Variants in ASCC3 observed in about 807,000 individuals in gnomAD.
ASCC3 encodes the protein activating signal cointegrator 1 complex subunit 3, also known as ASC-1 complex subunit P200.
Under a neutral mutation model 256.3 loss-of-function variants are expected in ASCC3, and 158 were observed. The observed-to-expected ratio is 0.62, with a 90% CI of 0.54 to 0.70. The LOEUF is 0.70. Ranked by LOEUF, ASCC3 falls within the 30% of genes least tolerant of loss-of-function variation. The pLI, the probability that ASCC3 is intolerant of heterozygous loss-of-function variation, is 0.00. For synonymous variants in ASCC3, 948 were observed against 883.4 expected (o/e 1.07, Z -1.30); for missense variants, 2,259 against 2,626.0 (o/e 0.86, Z 3.05).
chr6:100,623,459 T>C (rs1268794593), intron 30 of ASCC3, among the ~76,000 whole-genome samples: 2 of 152,172 alleles, frequency 1.3e-5, no homozygotes, highest in African/African-American at 2.4e-5. Context: ...ATGTAATACA[T>C]ACAGTACTAT....
intron 36 of ASCC3, among the ~76,000 whole-genome samples, chr6:100,581,376 G>A (rs1272380339): frequency 5.9e-5 from 9 of 152,156 alleles, no homozygotes; most frequent in Non-Finnish European, 8.8e-5. Context: ...CTGCATAAAT[G>A]TCTTCTTTTG....
intron 36 of ASCC3, among the ~76,000 whole-genome samples, chr6:100,560,725 T>TCAAACCC (rs1300269659): frequency 7.1e-6 from 1 of 141,224 alleles, no homozygotes; most frequent in Non-Finnish European, 1.5e-5. Flanking sequence ...AAAGTCATAG[T>TCAAACCC]CAAACCCCAA....
intron 10 of ASCC3, among the ~76,000 whole-genome samples, chr6:100,734,602 T>C (rs988826181): frequency 6.6e-6 from 1 of 152,160 alleles, no homozygotes; most frequent in African/African-American, 2.4e-5. Context: ...TAAAAAAGAT[T>C]ATAGCACAAA....
intron 1 of ASCC3, among the ~76,000 whole-genome samples, chr6:100,872,470 G>GC (rs1463377053): frequency 3.2e-5 from 4 of 125,432 alleles, no homozygotes; most frequent in Non-Finnish European, 6.7e-5. Flanking sequence ...AAAAAGGGTC[G>GC]GGGGGGGATC....
intron 30 of ASCC3, among the ~76,000 whole-genome samples, chr6:100,613,057 TC>T (rs1159660528): frequency 2.8e-4 from 41 of 147,342 alleles, no homozygotes; most frequent in Middle Eastern, 3.4e-3. Context: ...ATTCTTTTTT[TC>T]TTTCTTTCTT....
intron 5 of ASCC3, among the ~76,000 whole-genome samples, chr6:100,802,000 T>A (rs1769939324): frequency 6.7e-6 from 1 of 148,960 alleles, no homozygotes; most frequent in Non-Finnish European, 1.5e-5. Flanking sequence ...TTTAAGCAAA[T>A]GTGACAGTAA....
In ASCC3 at chr6:100,629,154, A is replaced by G. The variant is rs1375073679; in HGVS notation, c.4236T>C (p.Thr1412=). ...CCTTGGCAATGGATTTCATATCAGGAGTCACATCCCCTGTTAGTTCAATAA... is the reference window on the plus strand; with the variant it reads ...CCTTGGCAATGGATTTCATATCAGGGGTCACATCCCCTGTTAGTTCAATAA... The part of the protein sequence containing the change: ...KKVIELTGDV[T]PDMKSIAKAD... The change falls in exon 27 of 42, where the codon ACT becomes ACC. Residue 1412 remains threonine (T), a synonymous_variant. Transcript: ENST00000369162. The G allele has an allele frequency of 3.1e-6, 5 of 1,613,630 alleles. No individual in the cohort carries two copies. Among genetic ancestry groups the G allele is most frequent in the Non-Finnish European group, 4.2e-6 (5 of 1,179,720 alleles).
intron 3 of ASCC3, among the ~76,000 whole-genome samples, chr6:100,860,591 A>G (rs981980501): frequency 6.6e-6 from 1 of 152,024 alleles, no homozygotes; most frequent in Non-Finnish European, 1.5e-5. Flanking sequence ...CCCTAGCAGC[A>G]TATTAGGCAA....
chr6:100,806,322 C>T (rs947443838), intron 4 of ASCC3, among the ~76,000 whole-genome samples: 5 of 151,890 alleles, frequency 3.3e-5, no homozygotes, highest in East Asian at 1.9e-4. Flanking sequence ...ATCATGACTT[C>T]GTGCCAATTT....
At chr6:100,556,122 C>T (rs1452257320) in intron 36 of ASCC3, among the ~76,000 whole-genome samples, 7 of 152,120 alleles carry the variant, frequency 4.6e-5, no homozygotes, top group African/African-American at 1.7e-4. Context: ...GAGAATATAT[C>T]AAACTTAAAC....
At chr6:100,567,259 A>G (rs1286976951) in intron 36 of ASCC3, among the ~76,000 whole-genome samples, 5 of 152,112 alleles carry the variant, frequency 3.3e-5, no homozygotes, top group Admixed American at 3.3e-4. Flanking sequence ...ATGCATAGTA[A>G]TATATATGGC....
chr6:100,601,769 C>A (rs563288187), intron 34 of ASCC3, 41 bp downstream of exon 34: 1 of 1,604,360 alleles, frequency 6.2e-7, no homozygotes, highest in Non-Finnish European at 8.5e-7. Flanking sequence ...TGTCTTATTT[C>A]GGGGCAAAAC....
chr6:100,827,469 A>C (rs1035363159), intron 4 of ASCC3, among the ~76,000 whole-genome samples: 2 of 152,134 alleles, frequency 1.3e-5, no homozygotes, highest in African/African-American at 4.8e-5. Context: ...ATACCCAACA[A>C]TTTTCATTTA....
rs753164821 is a variant in ASCC3 at position 100,540,390 on chromosome 6, GA to G, written c.5551-4del. On this transcript the variant is annotated splice_polypyrimidine_tract_variant and splice_region_variant and intron_variant, in intron 36 of 41. Transcript: ENST00000369162. ...AAATCTGTATATTCTTCTGCATCCT[GA>G]AAAAAAAAAAAAGCCCCACATTGTT... 0.15 allele frequency: 156,972 copies of G among 1,072,556 alleles called. 379 individuals are homozygous for G. Among genetic ancestry groups the G allele is most frequent in the African/African-American group, 0.2 (12,096 of 60,184 alleles). 66.4% of individuals were successfully genotyped at this position (1,072,556 alleles called of 1,614,324 possible).
intron 8 of ASCC3, among the ~76,000 whole-genome samples, chr6:100,781,417 T>C (rs9498370): frequency 0.019 from 2,941 of 152,238 alleles, 85 homozygotes; most frequent in African/African-American, 0.068. Flanking sequence ...AGAGTCTTGC[T>C]CTGTTGCCCA....
At chr6:100,614,303 T>C (rs951797649) in intron 30 of ASCC3, among the ~76,000 whole-genome samples, 8 of 152,192 alleles carry the variant, frequency 5.3e-5, no homozygotes, top group African/African-American at 1.9e-4. Flanking sequence ...ATGAATTAAA[T>C]TTGTGAAGGA....
intron 12 of ASCC3, among the ~76,000 whole-genome samples, chr6:100,716,851 A>G (rs911792300): frequency 6.6e-6 from 1 of 151,946 alleles, no homozygotes; most frequent in Non-Finnish European, 1.5e-5. Flanking sequence ...AGCATGTGAA[A>G]CAACTGTCTT....
chr6:100,663,274 T>C (rs1480116549), intron 14 of ASCC3, among the ~76,000 whole-genome samples: 1 of 152,084 alleles, frequency 6.6e-6, no homozygotes, highest in Non-Finnish European at 1.5e-5. Context: ...GTGGTTTCCA[T>C]TACCTGAGGT....
intron 8 of ASCC3, among the ~76,000 whole-genome samples, chr6:100,774,559 G>T (rs1200062315): frequency 7.5e-6 from 1 of 132,794 alleles, no homozygotes; most frequent in East Asian, 4.0e-4. Context: ...TAGAGACAGG[G>T]TTTCAGCATG....
Sources: allele counts gnomAD v4.1 joint callset (sites outside exome capture counted in the v4.1 genomes callset), GRCh38; gene constraint gnomAD v4.1.1; transcripts MANE v1.5; gene names NCBI Gene and HGNC (gene_info 2026-07-23, HGNC 2026-07-21).